Variants in COL22A1 observed in about 807,000 individuals in gnomAD.
The protein encoded by COL22A1 is collagen type XXII alpha 1 chain, also known as collagen alpha-1(XXII) chain.
A neutral mutation model predicts 248.9 loss-of-function variants in COL22A1; 221 were observed. The observed-to-expected ratio is 0.89, with a 90% CI of 0.80 to 0.99. The LOEUF (loss-of-function observed/expected upper bound fraction) is 0.99, where lower values mean the gene tolerates loss of function less well. COL22A1 is among the 50% of genes least tolerant of loss of function. The pLI is 0.00. For synonymous variants in COL22A1, 891 were observed against 793.4 expected (o/e 1.12, Z -2.07); for missense variants, 2,240 against 2,179.0 (o/e 1.03, Z -0.56).
At chr8:138,785,091 G>A (rs1815399692) in intron 12 of COL22A1, among the ~76,000 whole-genome samples, 1 of 152,152 alleles carries the variant, frequency 6.6e-6, no homozygotes, top group Admixed American at 6.5e-5. Flanking sequence ...GAGTGAGGCA[G>A]GTTGGGGTAG....
At chr8:138,730,800 C>T (rs6985172) in intron 23 of COL22A1, among the ~76,000 whole-genome samples, 5,711 of 151,246 alleles carry the variant, frequency 0.038, 366 homozygotes, top group African/African-American at 0.13. Context: ...TGTGGAAGGG[C>T]TTAGTAGGGC....
At chr8:138,615,348 A>G (rs1473479498) in intron 55 of COL22A1, among the ~76,000 whole-genome samples, 3 of 152,028 alleles carry the variant, frequency 2.0e-5, no homozygotes, top group African/African-American at 2.4e-5. Context: ...CTGACCAACA[A>G]GGTGAAACTC....
chr8:138,812,834 G>C (rs1818355472), intron 8 of COL22A1, 105 bp downstream of exon 8: 1 of 854,998 alleles, frequency 1.2e-6, no homozygotes, highest in Non-Finnish European at 2.0e-6. Context: ...GATGGTGGAT[G>C]TCTCCCTGAC....
chr8:138,613,102 G>T (rs1819015516), intron 56 of COL22A1, among the ~76,000 whole-genome samples: 1 of 150,176 alleles, frequency 6.7e-6, no homozygotes, highest in African/African-American at 2.5e-5. Context: ...TAAAAATTTA[G>T]CCGGGCGTGG....
At chr8:138,652,649 G>T (rs1165888750) in intron 45 of COL22A1, among the ~76,000 whole-genome samples, 1 of 150,812 alleles carries the variant, frequency 6.6e-6, no homozygotes, top group Non-Finnish European at 1.5e-5. Context: ...CATATTTCAG[G>T]GTTCATTGTA....
chr8:138,634,939 T>G, intron 49 of COL22A1, 71 bp downstream of exon 49: 1 of 1,014,124 alleles, frequency 9.9e-7, no homozygotes, highest in Non-Finnish European at 1.6e-6. Flanking sequence ...TGTCATACCA[T>G]GCCTGGTGAG....
At chr8:138,749,890 T>C (rs1194787855) in intron 22 of COL22A1, among the ~76,000 whole-genome samples, 1 of 152,146 alleles carries the variant, frequency 6.6e-6, no homozygotes, top group African/African-American at 2.4e-5. Flanking sequence ...CGAGTGAATC[T>C]CTGATACAGT....
intron 37 of COL22A1, 46 bp from the exon 38 acceptor site, chr8:138,685,358 C>T (rs371198153): frequency 4.6e-5 from 71 of 1,527,132 alleles, no homozygotes; most frequent in African/African-American, 4.0e-4. Flanking sequence ...ACACTCAGCA[C>T]GAAGCTTTTC....
chr8:138,638,315 T>C (rs1309212842), intron 47 of COL22A1, among the ~76,000 whole-genome samples: 1 of 152,252 alleles, frequency 6.6e-6, no homozygotes, highest in Non-Finnish European at 1.5e-5. Flanking sequence ...CAATCTTTGT[T>C]GTGGTTCTAT....
intron 7 of COL22A1, 108 bp downstream of exon 7, chr8:138,821,028 T>G: frequency 1.6e-6 from 2 of 1,246,112 alleles, no homozygotes; most frequent in Non-Finnish European, 2.2e-6. Flanking sequence ...AAGGTGATGA[T>G]TTGGTACCTG....
chr8:138,703,434 C>A, intron 30 of COL22A1, 87 bp from the exon 31 acceptor site: 1 of 1,283,982 alleles, frequency 7.8e-7, no homozygotes, highest in East Asian at 2.3e-5. Context: ...ACTATTTTCC[C>A]CAGACAACAG....
At chr8:138,646,323 A>T (rs1308335400) in intron 47 of COL22A1, among the ~76,000 whole-genome samples, 1 of 152,150 alleles carries the variant, frequency 6.6e-6, no homozygotes, top group Non-Finnish European at 1.5e-5. Flanking sequence ...CATTACTGGG[A>T]GTTAAGTGGA....
intron 45 of COL22A1, among the ~76,000 whole-genome samples, chr8:138,651,275 C>T (rs1416735533): frequency 6.6e-6 from 1 of 152,122 alleles, no homozygotes; most frequent in Non-Finnish European, 1.5e-5. Context: ...TCTTTTATTC[C>T]ATCCTCTCTC....
intron 50 of COL22A1, among the ~76,000 whole-genome samples, chr8:138,628,971 G>C (rs1245995988): frequency 1.3e-5 from 2 of 151,854 alleles, no homozygotes; most frequent in Non-Finnish European, 2.9e-5. Context: ...TTCACAGCCA[G>C]GCTGATCTTG....
intron 35 of COL22A1, among the ~76,000 whole-genome samples, chr8:138,692,055 TGCGCGCACGTTTGTG>T (rs1827029632): frequency 2.7e-5 from 4 of 145,822 alleles, no homozygotes; most frequent in Admixed American, 6.8e-5. Flanking sequence ...GGTGTGTGTG[TGCGCGCACGTTTGTG>T]GAGGTGTATG....
intron 41 of COL22A1, among the ~76,000 whole-genome samples, chr8:138,671,870 TC>T (rs1284902181): frequency 2.0e-5 from 3 of 152,244 alleles, no homozygotes; most frequent in Non-Finnish European, 4.4e-5. Flanking sequence ...ATGATTTTTT[TC>T]ATAACTTTTT....
intron 5 of COL22A1, among the ~76,000 whole-genome samples, chr8:138,832,734 C>T (rs916734025): frequency 2.0e-5 from 3 of 152,092 alleles, no homozygotes; most frequent in Non-Finnish European, 4.4e-5. Context: ...AAACCATACC[C>T]GTTTGTTATT....
At chr8:138,767,113 G>A (rs1235104012) in intron 16 of COL22A1, among the ~76,000 whole-genome samples, 1 of 152,196 alleles carries the variant, frequency 6.6e-6, no homozygotes, top group East Asian at 1.9e-4. Context: ...CAAATAAGGA[G>A]CATAATATTA....
At chr8:138,686,210 G>C (rs778350828) in intron 37 of COL22A1, among the ~76,000 whole-genome samples, 7 of 152,220 alleles carry the variant, frequency 4.6e-5, no homozygotes, top group Non-Finnish European at 1.0e-4. Flanking sequence ...GCAAGAGAGA[G>C]AGAGTGTGAG....
Sources: allele counts gnomAD v4.1 joint callset (sites outside exome capture counted in the v4.1 genomes callset), GRCh38; gene constraint gnomAD v4.1.1; transcripts MANE v1.5; gene names NCBI Gene and HGNC (gene_info 2026-07-23, HGNC 2026-07-21).